SH3TC1: variants seen among roughly 807,000 people sequenced by gnomAD.
SH3TC1 encodes the protein SH3 domain and tetratricopeptide repeat-containing protein 1.
Under a neutral mutation model 117.3 loss-of-function variants are expected in SH3TC1, and 135 were observed. The observed-to-expected ratio is 1.15, with a 90% confidence interval of 1.00 to 1.33. The LOEUF (loss-of-function observed/expected upper bound fraction) is 1.33, where lower values mean the gene tolerates loss of function less well. SH3TC1 is among the 40% of genes most tolerant of loss of function. The pLI is 0.00. For missense variants in SH3TC1, 2,092 were observed against 1,794.3 expected, an observed-to-expected ratio of 1.17 and a Z score of -3.00; for synonymous variants, 898 against 816.9, an observed-to-expected ratio of 1.10 and a Z score of -1.69.
At chr4:8,231,538 G>A (rs1458606055) in intron 12 of SH3TC1, 6 of 170,528 alleles carry the variant, frequency 3.5e-5, no homozygotes, top group Non-Finnish European at 7.6e-5. Context: ...GGAGGAGCAC[G>A]TGTGGGAATG....
At position 8,228,659 on chromosome 4, in the gene SH3TC1, T is replaced by G; in HGVS notation, c.2950+15T>G. On this transcript the variant is annotated intron_variant, in intron 12 of 17. Coordinates refer to ENST00000245105, the MANE Select transcript of SH3TC1 (RefSeq NM_018986.5). The stretch of plus-strand genomic sequence containing the variant: ...CCACGTGGAGAGTGAGTGCCCCAGT[T>G]CCTTCTGTGTGCCTTCCGGGGCCAC... The G allele has an allele frequency of 6.9e-7, 1 of 1,456,314 alleles. No individual in the cohort carries two copies. Among genetic ancestry groups the G allele is most frequent in the African/African-American group, 1.4e-5 (1 of 70,804 alleles). 90.2% of individuals were successfully genotyped at this position (1,456,314 alleles called of 1,614,324 possible).
chr4:8,216,071 T>C, intron 5 of SH3TC1, 40 bp from the exon 6 acceptor site: 1 of 1,607,136 alleles, frequency 6.2e-7, no homozygotes, highest in South Asian at 1.1e-5. Context: ...TCCCTGCCCC[T>C]CTTCTGGAGC....
intron 12 of SH3TC1, chr4:8,231,738 T>C (rs1721238645): frequency 3.6e-6 from 2 of 555,476 alleles, no homozygotes; most frequent in Non-Finnish European, 6.3e-6. Flanking sequence ...GATGGCCTGG[T>C]GCAGGGGCCA....
rs919844197 is a variant in SH3TC1 at position 8,225,396 on chromosome 4, G to A, written c.1285+180G>A. On this transcript the variant is annotated intron_variant, in intron 11 of 17. Coordinates refer to ENST00000245105, the MANE Select transcript of SH3TC1 (RefSeq NM_018986.5). This position sits in a 1 kb window ranked among gnomAD's most constrained non-coding sequence, Gnocchi z 5.5. The stretch of plus-strand genomic sequence containing the variant: ...GGGCCTGAACCTCCCGTCCACTGTG[G>A]CACTGGAGGCCGTGGGGTCCCGCAC... Among the ~76,000 whole-genome samples the A allele has an allele frequency of 5.3e-5, 8 of 152,270 alleles. No homozygotes were observed. The highest frequency in any genetic ancestry group is 1.9e-4 in the African/African-American group (8 of 41,558).
chr4:8,220,774 G>A (rs1719840839), intron 9 of SH3TC1, among the ~76,000 whole-genome samples: 1 of 152,162 alleles, frequency 6.6e-6, no homozygotes, highest in African/African-American at 2.4e-5. Context: ...GAGGCCGTTT[G>A]TCACCATGCC....
rs562242970 is a variant in SH3TC1, at chr4:8,192,644, C to T, written c.-57+10434C>T. ...GAGTAGCTGGGATCACAGGCGTGTG[C>T]CACAACGCCCAGCTAATTTTTGTAT... On this transcript the variant is annotated intron_variant, in intron 1 of 16. Transcript: ENST00000508641. The surrounding 1 kb of genome is among the most constrained non-coding windows in gnomAD (Gnocchi z 4.1). 6.6e-6 allele frequency among the ~76,000 whole-genome samples: 1 copy of T among 152,200 alleles called. No individual in the cohort carries two copies. The highest frequency in any genetic ancestry group is 1.9e-4 in the East Asian group (1 of 5,164).
chr4:8,219,412 A>G lies in SH3TC1; in HGVS notation c.994A>G (p.Ile332Val), dbSNP rs772791292. Reference sequence around the variant, plus strand: ...GATGACCTTCCGAGGTGGCGACCTCATCGAGATCCTTGGGGCGCAGGTGCC... The same window carrying G: ...GATGACCTTCCGAGGTGGCGACCTCGTCGAGATCCTTGGGGCGCAGGTGCC... ...EEMTFRGGDLIEILGAQVPSL... is the reference protein window; with the variant it reads ...EEMTFRGGDLVEILGAQVPSL... The change falls in exon 9 of 18, where the codon ATC becomes GTC. Residue 332 changes from isoleucine to valine, a missense_variant. Coordinates refer to ENST00000245105, the MANE Select transcript of SH3TC1 (RefSeq NM_018986.5). 6 of 1,611,396 alleles carry G rather than the reference A, an allele frequency of 3.7e-6. No individual in the cohort carries two copies. Among genetic ancestry groups the G allele is most frequent in the Non-Finnish European group, 5.1e-6 (6 of 1,178,844 alleles).
intron 13 of SH3TC1, 96 bp downstream of exon 13, chr4:8,232,252 C>G: frequency 2.8e-6 from 4 of 1,408,340 alleles, no homozygotes; most frequent in Non-Finnish European, 1.9e-6. Flanking sequence ...CCCCAGCAGC[C>G]CCTCTCCTTG....
chr4:8,195,973 G>T (rs1578639914), upstream of SH3TC1, among the ~76,000 whole-genome samples: 1 of 152,310 alleles, frequency 6.6e-6, no homozygotes, highest in East Asian at 1.9e-4. Flanking sequence ...GGGTGACGAG[G>T]CCAGGGCACT....
At chr4:8,208,004 T>C (rs924781280) in intron 2 of SH3TC1, among the ~76,000 whole-genome samples, 14 of 152,120 alleles carry the variant, frequency 9.2e-5, no homozygotes, top group African/African-American at 2.9e-4. Flanking sequence ...TACAGGGTGG[T>C]TCAGCAGTGG....
Position 8,205,781 on chromosome 4 carries a change from A to G in SH3TC1, c.172+415A>G. ...AGAGAGGGAAGGGCCGGGCCAGGCCACCCTGTGGTCAGGGGCCGGGCCAGG... is the reference window on the plus strand; with the variant it reads ...AGAGAGGGAAGGGCCGGGCCAGGCCGCCCTGTGGTCAGGGGCCGGGCCAGG... On this transcript the variant is annotated intron_variant, in intron 2 of 17. Transcript: ENST00000245105. This position sits in a 1 kb window ranked among gnomAD's most constrained non-coding sequence, Gnocchi z 5.4. 1.6e-6 allele frequency: 1 copy of G among 629,686 alleles called. No homozygotes were observed. Among genetic ancestry groups the G allele is most frequent in the Non-Finnish European group, 2.9e-6 (1 of 347,616 alleles). 39.0% of individuals were successfully genotyped at this position (629,686 alleles called of 1,614,324 possible). A position where few individuals can be genotyped will look rare whatever the true frequency, so the allele number is the denominator to read the frequency against.
At chr4:8,221,869 G>T (rs1454156381) in intron 9 of SH3TC1, among the ~76,000 whole-genome samples, 3 of 152,174 alleles carry the variant, frequency 2.0e-5, no homozygotes, top group African/African-American at 7.2e-5. Context: ...ATGTGAAACA[G>T]CTTTTCAGTC....
At chr4:8,217,320 C>T (rs151174094) in intron 7 of SH3TC1, among the ~76,000 whole-genome samples, 153 bp downstream of exon 7, 17 of 152,338 alleles carry the variant, frequency 1.1e-4, no homozygotes, top group South Asian at 4.1e-4. Flanking sequence ...AGCTGTGTGG[C>T]CTCGGCAATT....
At chr4:8,214,206 G>A (rs1348662952) in intron 4 of SH3TC1, among the ~76,000 whole-genome samples, 2 of 152,096 alleles carry the variant, frequency 1.3e-5, no homozygotes, top group African/African-American at 2.4e-5. Context: ...AGAGTGCTGA[G>A]GGGGAGGTGT....
At chr4:8,238,386 G>C (rs563707663) in intron 17 of SH3TC1, among the ~76,000 whole-genome samples, 2 of 152,196 alleles carry the variant, frequency 1.3e-5, no homozygotes, top group Non-Finnish European at 2.9e-5. Flanking sequence ...AACTGGGACC[G>C]GCAGACTCGG....
chr4:8,232,185 CGGGGGG>C (rs753473506), intron 13 of SH3TC1, 29 bp downstream of exon 13: 2 of 312,646 alleles, frequency 6.4e-6, no homozygotes, highest in Non-Finnish European at 8.5e-6. Context: ...GTGGTGGGGG[CGGGGGG>C]AGGGGGCAAA....
At chr4:8,239,523 C>G (rs1198151809) in intron 17 of SH3TC1, among the ~76,000 whole-genome samples, 1 of 151,518 alleles carries the variant, frequency 6.6e-6, no homozygotes, top group Non-Finnish European at 1.5e-5. Context: ...CACATGCACA[C>G]AGGCACACAC....
chr4:8,215,968 G>A (rs979831330), intron 5 of SH3TC1, 143 bp from the exon 6 acceptor site: 1 of 1,029,866 alleles, frequency 9.7e-7, no homozygotes. Context: ...CAGCACTGTG[G>A]GCACCCCAGG....
chr4:8,236,594 G>A (rs1219713924), intron 16 of SH3TC1, 166 bp downstream of exon 16: 7 of 913,050 alleles, frequency 7.7e-6, no homozygotes, highest in South Asian at 1.9e-5. Flanking sequence ...GGCACAGCCC[G>A]AGGTCCTTCA....
Sources: gnomAD v4.1 joint callset for allele counts (sites outside exome capture counted in the v4.1 genomes callset) on GRCh38, gnomAD v4.1.1 for gene constraint, Gnocchi (gnomAD v3.1) non-coding constraint, MANE v1.5 for transcripts, NCBI Gene and HGNC (gene_info 2026-07-23, HGNC 2026-07-21) for gene names.